The following SLC35F4 variants were observed in gnomAD, a reference collection of about 807,000 sequenced individuals.
SLC35F4 encodes solute carrier family 35 member F4, also known as chromosome 14 open reading frame 36.
A neutral mutation model predicts 44.2 loss-of-function variants in SLC35F4; 24 were observed. That is an observed-to-expected ratio of 0.54 (90% CI 0.39 to 0.76). SLC35F4 has a LOEUF of 0.76. Among genes scored for constraint, SLC35F4 ranks in the 30% least tolerant of loss-of-function variants. The pLI is 0.00. For synonymous variants in SLC35F4, 238 were observed against 223.6 expected, an observed-to-expected ratio of 1.06 and a Z score of -0.57; for missense variants, 562 against 586.1, an observed-to-expected ratio of 0.96 and a Z score of 0.42.
At chr14:57,947,845 G>A (rs1890063945) in intron 1 of SLC35F4, among the ~76,000 whole-genome samples, 1 of 152,054 alleles carries the variant, frequency 6.6e-6, no homozygotes, top group South Asian at 2.1e-4. Flanking sequence ...ACTTTCATAT[G>A]TTAAGCTATC....
At chr14:57,641,295 C>G (rs2073225550) in intron 1 of SLC35F4, among the ~76,000 whole-genome samples, 1 of 151,274 alleles carries the variant, frequency 6.6e-6, no homozygotes, top group Non-Finnish European at 1.5e-5. Context: ...CTCAGTTTCA[C>G]TGAAAATCTT....
At chr14:57,889,549 C>G (rs1403305030) in intron 1 of SLC35F4, among the ~76,000 whole-genome samples, 2 of 152,332 alleles carry the variant, frequency 1.3e-5, no homozygotes, top group African/African-American at 4.8e-5. Flanking sequence ...ATTGTCACTG[C>G]AAGTCATAGG....
intron 1 of SLC35F4, among the ~76,000 whole-genome samples, chr14:57,650,141 G>A (rs2073726143): frequency 6.6e-6 from 1 of 152,006 alleles, no homozygotes; most frequent in Non-Finnish European, 1.5e-5. Context: ...GTCTGGTCCA[G>A]GGTCCCTTCT....
chr14:57,667,033 T>C (rs2074333636), intron 1 of SLC35F4, among the ~76,000 whole-genome samples: 2 of 151,330 alleles, frequency 1.3e-5, no homozygotes, highest in African/African-American at 4.9e-5. Context: ...AGGCATCAGG[T>C]ACATGTGACT....
chr14:57,979,426 G>A (rs761047811), intron 1 of SLC35F4, among the ~76,000 whole-genome samples: 6 of 152,158 alleles, frequency 3.9e-5, no homozygotes, highest in Admixed American at 6.5e-5. Flanking sequence ...TCTTATTCCA[G>A]CTGGTGTCAC....
At chr14:57,696,348 A>C (rs1231325739) in intron 1 of SLC35F4, among the ~76,000 whole-genome samples, 1 of 152,256 alleles carries the variant, frequency 6.6e-6, no homozygotes, top group Non-Finnish European at 1.5e-5. Flanking sequence ...AGAGAAACAC[A>C]AATCTAAACC....
At chr14:57,761,384 G>A (rs1594986700) in intron 1 of SLC35F4, among the ~76,000 whole-genome samples, 1 of 152,008 alleles carries the variant, frequency 6.6e-6, no homozygotes, top group African/African-American at 2.4e-5. Context: ...CTACAACTAG[G>A]TGAAATGTAA....
chr14:57,850,616 A>C (rs937262902), intron 1 of SLC35F4, among the ~76,000 whole-genome samples: 5 of 152,218 alleles, frequency 3.3e-5, no homozygotes, highest in African/African-American at 1.2e-4. Flanking sequence ...ATAACATGAT[A>C]CTTTTTTTCA....
At chr14:57,646,864 T>A (rs1195733746) in intron 1 of SLC35F4, among the ~76,000 whole-genome samples, 1 of 152,246 alleles carries the variant, frequency 6.6e-6, no homozygotes, top group African/African-American at 2.4e-5. Context: ...TATTTCTGCC[T>A]TCATTTCATT....
At chr14:57,702,311 CAAAT>C (rs1343689909) in intron 1 of SLC35F4, among the ~76,000 whole-genome samples, 1 of 133,200 alleles carries the variant, frequency 7.5e-6, no homozygotes, top group African/African-American at 2.9e-5. Context: ...GCACTATGCC[CAAAT>C]AAATATCATT....
chr14:57,959,717 T>C (rs117570101), intron 1 of SLC35F4, among the ~76,000 whole-genome samples: 1,709 of 152,292 alleles, frequency 0.011, 22 homozygotes, highest in Middle Eastern at 0.014. Flanking sequence ...TTTCTTTATC[T>C]GAAAACGAGG....
At chr14:57,588,249 C>A (rs2069915777) in intron 3 of SLC35F4, among the ~76,000 whole-genome samples, 1 of 152,154 alleles carries the variant, frequency 6.6e-6, no homozygotes, top group Non-Finnish European at 1.5e-5. Context: ...GTAATAATTT[C>A]TTTTCATTTG....
intron 1 of SLC35F4, among the ~76,000 whole-genome samples, chr14:57,781,500 T>C (rs1203908394): frequency 6.6e-6 from 1 of 152,182 alleles, no homozygotes; most frequent in Admixed American, 6.5e-5. Context: ...TAGAAAGCAG[T>C]GTGATGATTC....
At chr14:57,926,044 A>G (rs1377347640) in intron 1 of SLC35F4, among the ~76,000 whole-genome samples, 1 of 152,158 alleles carries the variant, frequency 6.6e-6, no homozygotes, top group Non-Finnish European at 1.5e-5. Flanking sequence ...TAGTATCTTT[A>G]TGTATCAGTT....
downstream of SLC35F4, among the ~76,000 whole-genome samples, chr14:57,974,320 G>A (rs891639717): frequency 4.6e-5 from 7 of 152,122 alleles, no homozygotes; most frequent in African/African-American, 1.4e-4. Flanking sequence ...AAACCCAGAT[G>A]AAAGCTGCAA....
rs67819924 is a variant in SLC35F4, at chr14:57,600,691, C to CAAA, written c.104-6570_104-6568dup. Among the ~76,000 whole-genome samples, 55 of 55,392 alleles carry CAAA rather than the reference C, an allele frequency of 9.9e-4. 5 individuals are homozygous for CAAA. The highest frequency in any genetic ancestry group is 3.1e-3 in the African/African-American group (40 of 12,958). 36.3% of individuals were successfully genotyped at this position (55,392 alleles called of 152,430 possible). On this transcript the variant is annotated intron_variant, in intron 1 of 7. Coordinates refer to ENST00000556826, the MANE Select transcript of SLC35F4 (RefSeq NM_001306087.2). ...TGGGCGACAGAGCAAGACTCCATCTCAAAAAAAAAAAAAAAAAAAAAAAAA... is the reference window on the plus strand; with the variant it reads ...TGGGCGACAGAGCAAGACTCCATCTCAAAAAAAAAAAAAAAAAAAAAAAAAAAA...
At chr14:57,571,446 CCT>C (rs1231120509) in intron 5 of SLC35F4, among the ~76,000 whole-genome samples, 7 of 152,164 alleles carry the variant, frequency 4.6e-5, no homozygotes, top group Admixed American at 1.3e-4. Context: ...ATTTCTAACA[CCT>C]CTTTTGAGTT....
chr14:57,683,034 G>C (rs1461505645), intron 1 of SLC35F4, among the ~76,000 whole-genome samples: 2 of 151,722 alleles, frequency 1.3e-5, no homozygotes, highest in African/African-American at 4.9e-5. Context: ...TGGTGGGAGG[G>C]ACTCTGTTCT....
intron 1 of SLC35F4, among the ~76,000 whole-genome samples, chr14:57,794,776 G>C (rs1375256786): frequency 6.6e-6 from 1 of 151,672 alleles, no homozygotes; most frequent in South Asian, 2.1e-4. Flanking sequence ...GTAGTACCCT[G>C]CAAATAATAT....
Sources: gnomAD v4.1 joint callset for allele counts (sites outside exome capture counted in the v4.1 genomes callset) on GRCh38, gnomAD v4.1.1 for gene constraint, MANE v1.5 for transcripts, NCBI Gene and HGNC (gene_info 2026-07-23, HGNC 2026-07-21) for gene names.